PLB1: variants seen among roughly 807,000 people sequenced by gnomAD.
The protein encoded by PLB1 is phospholipase B1, also known as phospholipase B1, membrane-associated.
Under a neutral mutation model 227.4 loss-of-function variants are expected in PLB1, and 242 were observed. The ratio of observed to expected loss-of-function variants is 1.06; its 90% CI spans 0.96 to 1.18. The LOEUF (loss-of-function observed/expected upper bound fraction) is 1.18. Among genes scored for constraint, PLB1 ranks in the 50% most tolerant of loss-of-function variants. The pLI is 0.00. For missense variants in PLB1, 1,858 were observed against 1,816.3 expected (o/e 1.02, Z -0.42); for synonymous variants, 757 against 682.2 (o/e 1.11, Z -1.71).
At chr2:28,509,971 G>C (rs1488701009) in intron 1 of PLB1, among the ~76,000 whole-genome samples, 1 of 152,116 alleles carries the variant, frequency 6.6e-6, no homozygotes, top group Non-Finnish European at 1.5e-5. Flanking sequence ...CTTCAGGTCT[G>C]GACGCTTAAC....
At chr2:28,623,499 T>G (rs1216363189) in intron 49 of PLB1, among the ~76,000 whole-genome samples, 2 of 152,190 alleles carry the variant, frequency 1.3e-5, no homozygotes, top group African/African-American at 4.8e-5. Context: ...AGAAAAGTCT[T>G]TCTTTATAGC....
At chr2:28,533,157 T>G (rs914997108) in intron 9 of PLB1, among the ~76,000 whole-genome samples, 3 of 152,124 alleles carry the variant, frequency 2.0e-5, no homozygotes, top group African/African-American at 7.2e-5. Context: ...TACTCTTGCC[T>G]TCCTTCAAGT....
chr2:28,620,585 C>G lies in PLB1; in HGVS notation c.3384-15C>G. ...TGTTGGTGTGAGTTTAACAAATATG[C>G]TTTCTCCTCCCCAGCATTGGAGGGG... On this transcript the variant is annotated splice_polypyrimidine_tract_variant and intron_variant, in intron 47 of 57. Coordinates refer to ENST00000327757, the MANE Select transcript of PLB1 (RefSeq NM_153021.5). 6.2e-7 allele frequency: 1 copy of G among 1,610,570 alleles called. No individual in the cohort carries two copies. Among genetic ancestry groups the G allele is most frequent in the Non-Finnish European group, 8.5e-7 (1 of 1,178,478 alleles).
intron 17 of PLB1, 151 bp from the exon 18 acceptor site, chr2:28,562,890 G>A: frequency 1.4e-6 from 1 of 706,318 alleles, no homozygotes; most frequent in Non-Finnish European, 2.4e-6. Context: ...TGACAAGGAT[G>A]GGTTTTTCCT....
intron 53 of PLB1, 84 bp from the exon 54 acceptor site, chr2:28,630,502 G>A (rs2148339596): frequency 5.6e-6 from 7 of 1,242,534 alleles, no homozygotes; most frequent in Non-Finnish European, 8.1e-6. Context: ...GTAGTGGCCT[G>A]CTCTGTGTGT....
Position 28,604,706 on chromosome 2 carries a change from T to G in PLB1, c.2908T>G (p.Phe970Val), listed in dbSNP as rs534397414. 3 of 1,614,166 alleles carry G rather than the reference T, an allele frequency of 1.9e-6. No homozygotes were observed. The highest frequency in any genetic ancestry group is 3.3e-5 in the Admixed American group (2 of 60,030). Reference sequence around the variant, plus strand: ...AGGCCGCTATGACACGCAGGAGGACTTCTCTGTGGTGCTGCAGCCCTTCTT... The same window carrying G: ...AGGCCGCTATGACACGCAGGAGGACGTCTCTGTGGTGCTGCAGCCCTTCTT... ...GSGRYDTQED[F>V]SVVLQPFFQN... The change falls in exon 41 of 58, where the codon TTC becomes GTC. Residue 970 changes from phenylalanine (F) to valine (V), a missense_variant. Coordinates refer to ENST00000327757, the MANE Select transcript of PLB1 (RefSeq NM_153021.5).
chr2:28,643,406 C>T lies in PLB1; in HGVS notation c.*345C>T, dbSNP rs373502460. 15 of 211,162 alleles carry T rather than the reference C, an allele frequency of 7.1e-5. No homozygotes were observed. Among genetic ancestry groups the T allele is most frequent in the African/African-American group, 2.7e-4 (12 of 43,780 alleles). The allele number at this position is 211,162 out of a possible 1,614,324, so 13.1% of individuals were successfully genotyped here. On this transcript the variant is annotated 3_prime_UTR_variant, in exon 58 of 58. Coordinates refer to ENST00000327757, the MANE Select transcript of PLB1 (RefSeq NM_153021.5). ...CCAGAGCCCAAACTGCCTGCCACCA[C>T]GAGCATATCCTCAAGTCACCAAACC... is the stretch of plus-strand genomic sequence containing the variant.
In PLB1 at chr2:28,532,195, G is replaced by T; in HGVS notation, c.555+1G>T. On this transcript the variant is annotated splice_donor_variant, in intron 9 of 57. Transcript: ENST00000327757. LOFTEE classifies it high-confidence loss of function. ...TTACCTGTGCCCCTCTGCTCAACAG[G>T]TAAATGGCAGCCTTGGGGACCAAGG... 1 of 1,608,166 alleles carries T rather than the reference G, an allele frequency of 6.2e-7. No individual in the cohort carries two copies. The highest frequency in any genetic ancestry group is 8.5e-7 in the Non-Finnish European group (1 of 1,175,790).
At chr2:28,602,792 C>A (rs375233930) in intron 38 of PLB1, 29 bp from the exon 39 acceptor site, 2 of 1,587,712 alleles carry the variant, frequency 1.3e-6, no homozygotes, top group Non-Finnish European at 1.7e-6. Context: ...TGCCTGGAGC[C>A]CCCCTCTCAT....
intron 1 of PLB1, among the ~76,000 whole-genome samples, chr2:28,501,384 G>A (rs1667083006): frequency 6.6e-6 from 1 of 151,830 alleles, no homozygotes; most frequent in Non-Finnish European, 1.5e-5. Flanking sequence ...TCCCACTCAG[G>A]GTGTATAATC....
chr2:28,606,467 C>T, intron 42 of PLB1, 29 bp from the exon 43 acceptor site: 1 of 1,601,028 alleles, frequency 6.2e-7, no homozygotes, highest in Non-Finnish European at 8.6e-7. Flanking sequence ...AACTACTACA[C>T]CCGTGTCTCT....
chr2:28,564,852 TTAC>T (rs1676620367), intron 18 of PLB1, among the ~76,000 whole-genome samples: 1 of 66,884 alleles, frequency 1.5e-5, no homozygotes, highest in African/African-American at 7.0e-5. Flanking sequence ...TTTCATTTTA[TTAC>T]TACATTTTAA....
intron 1 of PLB1, among the ~76,000 whole-genome samples, chr2:28,511,903 G>A (rs1668315571): frequency 6.7e-6 from 1 of 149,930 alleles, no homozygotes; most frequent in South Asian, 2.1e-4. Context: ...TCCTGCTTCA[G>A]CCTTCCAAGT....
chr2:28,638,239 A>T (rs2148350611), intron 56 of PLB1, among the ~76,000 whole-genome samples: 1 of 151,902 alleles, frequency 6.6e-6, no homozygotes, highest in East Asian at 2.0e-4. Flanking sequence ...ATGGTGGGGG[A>T]GAGGGAGGCC....
intron 1 of PLB1, among the ~76,000 whole-genome samples, chr2:28,508,275 G>T (rs1418928929): frequency 1.3e-5 from 2 of 152,074 alleles, no homozygotes; most frequent in African/African-American, 4.8e-5. Flanking sequence ...GATCTTGAAG[G>T]CCTGCTCACC....
chr2:28,530,204 A>G (rs1442264552), intron 8 of PLB1, among the ~76,000 whole-genome samples: 2 of 152,186 alleles, frequency 1.3e-5, no homozygotes, highest in African/African-American at 4.8e-5. Flanking sequence ...GGTCGTGCTG[A>G]AAGTCAGCAG....
chr2:28,632,507 C>T (rs909974779), intron 55 of PLB1, among the ~76,000 whole-genome samples: 6 of 152,004 alleles, frequency 3.9e-5, no homozygotes, highest in Admixed American at 1.3e-4. Context: ...AAGAAAATTC[C>T]GGCCGGGTGC....
intron 51 of PLB1, among the ~76,000 whole-genome samples, chr2:28,627,579 A>G (rs1378781540): frequency 6.6e-6 from 1 of 151,714 alleles, no homozygotes; most frequent in Non-Finnish European, 1.5e-5. Context: ...CTCTATTTTA[A>G]CTCTTCGGCA....
intron 33 of PLB1, chr2:28,594,155 GCT>G: frequency 2.1e-6 from 1 of 475,332 alleles, no homozygotes; most frequent in Admixed American, 2.5e-5. Context: ...TAGTCACACA[GCT>G]GCCTTTACAT....
Sources: allele counts gnomAD v4.1 joint callset (sites outside exome capture counted in the v4.1 genomes callset), GRCh38; gene constraint gnomAD v4.1.1; transcripts MANE v1.5; gene names NCBI Gene and HGNC (gene_info 2026-07-23, HGNC 2026-07-21).